The following NCOA2 variants were observed in gnomAD, a reference collection of about 807,000 sequenced individuals.
NCOA2 encodes class E basic helix-loop-helix protein 75.
In NCOA2, 21 loss-of-function variants were observed where a neutral mutation model predicts 145.1. The ratio of observed to expected loss-of-function variants is 0.14; its 90% CI spans 0.10 to 0.21. The LOEUF (loss-of-function observed/expected upper bound fraction) is 0.21, where lower values mean the gene tolerates loss of function less well. Among genes scored for constraint, NCOA2 ranks in the 10% least tolerant of loss-of-function variants. NCOA2 has a pLI of 1.00. For synonymous variants in NCOA2, 619 were observed against 637.5 expected (o/e 0.97, Z 0.44); for missense variants, 1,472 against 1,837.6 (o/e 0.80, Z 3.64).
At chr8:70,451,400 C>CAA in the NCOA2 span, among the ~76,000 whole-genome samples, 46 of 67,484 alleles carry the variant, frequency 6.8e-4, no homozygotes, top group South Asian at 1.2e-3. Flanking sequence ...AGAGTGAGAC[C>CAA]AAAAAAAAAA....
At chr8:70,296,889 C>G (rs1240132798) in intron 1 of NCOA2, 89 bp from the exon 2 acceptor site, 1 of 152,120 alleles carries the variant, frequency 6.6e-6, no homozygotes, top group Non-Finnish European at 1.5e-5. Flanking sequence ...AACCGATTTT[C>G]AAAGTAATAC....
chr8:70,284,078 C>A (rs963964203), intron 2 of NCOA2, among the ~76,000 whole-genome samples: 11 of 152,262 alleles, frequency 7.2e-5, no homozygotes, highest in African/African-American at 2.2e-4. Flanking sequence ...CCAAGAATGA[C>A]AACACCCCTT....
rs954372338 is a variant in NCOA2 at position 70,132,145 on chromosome 8, G to C, written c.3159-143C>G. The C allele has an allele frequency of 1.2e-5, 10 of 804,620 alleles. No homozygotes were observed. The East Asian group carries it at 2.4e-4, about 19-fold the overall frequency. 49.8% of individuals were successfully genotyped at this position (804,620 alleles called of 1,614,324 possible). A position where few individuals can be genotyped will look rare whatever the true frequency, so the allele number is the denominator to read the frequency against. Reference sequence around the variant, plus strand: ...TGTACCAACTCAACACAGAACAAAAGGACAGTCTGAAATATTCGATACACT... The same window carrying C: ...TGTACCAACTCAACACAGAACAAAACGACAGTCTGAAATATTCGATACACT... On this transcript the variant is annotated intron_variant, in intron 15 of 22. Transcript: ENST00000452400.
At chr8:70,417,021 C>T in the NCOA2 span, among the ~76,000 whole-genome samples, 1 of 151,892 alleles carries the variant, frequency 6.6e-6, no homozygotes, top group African/African-American at 2.4e-5. Flanking sequence ...AGATATTTGC[C>T]CTATACACAC....
chr8:70,420,860 G>A, the NCOA2 span, among the ~76,000 whole-genome samples: 2 of 152,052 alleles, frequency 1.3e-5, no homozygotes, highest in Non-Finnish European at 2.9e-5. Context: ...GGCCAGGATG[G>A]TCTCGATCTC....
chr8:70,188,953 A>AT (rs146556600), intron 4 of NCOA2, among the ~76,000 whole-genome samples: 6,919 of 152,322 alleles, frequency 0.045, 264 homozygotes, highest in East Asian at 0.16. Flanking sequence ...GATAAAACTG[A>AT]TTTAACTCTC....
At chr8:70,368,439 T>C (rs999724038) in intron 1 of NCOA2, among the ~76,000 whole-genome samples, 4 of 152,164 alleles carry the variant, frequency 2.6e-5, no homozygotes, top group African/African-American at 9.7e-5. Flanking sequence ...ATGGATGGAT[T>C]ATAGATAAAA....
chr8:70,453,427 C>T, the NCOA2 span, among the ~76,000 whole-genome samples: 2 of 152,242 alleles, frequency 1.3e-5, no homozygotes, highest in African/African-American at 4.8e-5. Context: ...TCCATTTTGC[C>T]CAAAGGTGGC....
intron 1 of NCOA2, among the ~76,000 whole-genome samples, chr8:70,397,496 A>T (rs1813785196): frequency 6.6e-6 from 1 of 151,980 alleles, no homozygotes; most frequent in Non-Finnish European, 1.5e-5. Context: ...AACAAGCTAC[A>T]TCTAGAAAAA....
intron 1 of NCOA2, among the ~76,000 whole-genome samples, chr8:70,326,460 CACACACACACAT>C (rs1806585362): frequency 6.6e-6 from 1 of 150,882 alleles, no homozygotes; most frequent in Non-Finnish European, 1.5e-5. Flanking sequence ...CGTGCACACA[CACACACACACAT>C]GCACACACAC....
At chr8:70,405,437 GTTTTTTTTTTTT>G (rs34814735), upstream of NCOA2, among the ~76,000 whole-genome samples, 3 of 59,388 alleles carry the variant, frequency 5.1e-5, no homozygotes, top group African/African-American at 7.4e-5. Context: ...ATTTTTAAAG[GTTTTTTTTTTTT>G]TTTTTTTTTT....
At chr8:70,432,486 ACT>A in the NCOA2 span, among the ~76,000 whole-genome samples, 1 of 152,044 alleles carries the variant, frequency 6.6e-6, no homozygotes, top group Non-Finnish European at 1.5e-5. Flanking sequence ...ACAAAGCAAG[ACT>A]CTGTCTCTAC....
intron 4 of NCOA2, among the ~76,000 whole-genome samples, chr8:70,213,049 C>T (rs1819206009): frequency 6.8e-6 from 1 of 147,824 alleles, no homozygotes; most frequent in African/African-American, 2.5e-5. Flanking sequence ...CACACCACTG[C>T]ACCCCAGCCT....
At chr8:70,211,811 G>T (rs1408967450) in intron 4 of NCOA2, among the ~76,000 whole-genome samples, 4 of 152,054 alleles carry the variant, frequency 2.6e-5, no homozygotes, top group Admixed American at 6.5e-5. Context: ...TTTTCATTTG[G>T]TATTTAAGTT....
At chr8:70,173,922 A>G (rs1814536594) in intron 5 of NCOA2, among the ~76,000 whole-genome samples, 1 of 152,240 alleles carries the variant, frequency 6.6e-6, no homozygotes, top group African/African-American at 2.4e-5. Flanking sequence ...CTGCTGCAGC[A>G]AGCTAGCTGA....
At chr8:70,116,218 A>C (rs1807111380) in intron 22 of NCOA2, among the ~76,000 whole-genome samples, 1 of 144,316 alleles carries the variant, frequency 6.9e-6, no homozygotes, top group Admixed American at 6.9e-5. Flanking sequence ...GGATGACAGT[A>C]GTATCTTGTT....
At chr8:70,315,198 C>G (rs541952639) in intron 1 of NCOA2, among the ~76,000 whole-genome samples, 6 of 152,186 alleles carry the variant, frequency 3.9e-5, no homozygotes, top group African/African-American at 1.4e-4. Context: ...TTCCTCTTTT[C>G]TTTCAGGTGT....
intron 2 of NCOA2, among the ~76,000 whole-genome samples, chr8:70,253,854 T>C (rs770397250): frequency 5.9e-5 from 9 of 152,130 alleles, no homozygotes; most frequent in African/African-American, 2.2e-4. Context: ...ATTTCTTATA[T>C]ATGATACCAA....
chr8:70,214,870 A>C (rs1442304737), intron 3 of NCOA2, among the ~76,000 whole-genome samples: 1 of 152,188 alleles, frequency 6.6e-6, no homozygotes, highest in Non-Finnish European at 1.5e-5. Flanking sequence ...ATGACATTCA[A>C]AACAATACAA....
Sources: allele counts gnomAD v4.1 joint callset (sites outside exome capture counted in the v4.1 genomes callset), GRCh38; gene constraint gnomAD v4.1.1; transcripts MANE v1.5; gene names NCBI Gene and HGNC (gene_info 2026-07-23, HGNC 2026-07-21).